The following CDH13 variants were observed in gnomAD, a reference collection of about 807,000 sequenced individuals.
CDH13 encodes the protein cadherin-13.
Under a neutral mutation model 63.8 loss-of-function variants are expected in CDH13, and 24 were observed. The ratio of observed to expected loss-of-function variants is 0.38; its 90% confidence interval spans 0.27 to 0.53. The LOEUF (loss-of-function observed/expected upper bound fraction) is 0.53. Among genes scored for constraint, CDH13 ranks in the 20% least tolerant of loss-of-function variants. The pLI is 0.85. For synonymous variants in CDH13, 503 were observed against 355.3 expected (o/e 1.42, Z -4.67); for missense variants, 1,049 against 903.1 (o/e 1.16, Z -2.07).
chr16:83,780,049 C>G lies in CDH13; in HGVS notation c.1763C>G (p.Thr588Arg), dbSNP rs530695746. The change falls in exon 12 of 14, where the codon ACA becomes AGA. Residue 588 changes from threonine to arginine, a missense_variant. By Grantham distance (71) the Thr-to-Arg change is moderately conservative. Coordinates refer to ENST00000567109, the MANE Select transcript of CDH13 (RefSeq NM_001257.5). The stretch of plus-strand genomic sequence containing the variant: ...GACAATGCCCCGTTCATTTACCCCA[C>G]AGTAGCTGAAGTCTGTGATGATGCC... The part of the protein sequence containing the change: ...VNDNAPFIYP[T>R]VAEVCDDAKN... 40 of 1,613,986 alleles carry G rather than the reference C, an allele frequency of 2.5e-5. 1 individual carries two copies. The African/African-American group carries it at 4.4e-4, about 18-fold the overall frequency.
At chr16:83,625,230 G>A (rs977719535) in intron 8 of CDH13, among the ~76,000 whole-genome samples, 3 of 149,736 alleles carry the variant, frequency 2.0e-5, no homozygotes, top group Non-Finnish European at 4.5e-5. Flanking sequence ...GTGTGTCTAT[G>A]TGTGTGTGTG....
At chr16:82,747,239 C>A (rs1203526268) in intron 1 of CDH13, among the ~76,000 whole-genome samples, 2 of 152,030 alleles carry the variant, frequency 1.3e-5, no homozygotes, top group Non-Finnish European at 1.5e-5. Context: ...ATACCTGGGA[C>A]CTGGTTAGAA....
intron 10 of CDH13, among the ~76,000 whole-genome samples, chr16:83,700,722 A>C (rs1906094205): frequency 6.6e-6 from 1 of 152,218 alleles, no homozygotes; most frequent in East Asian, 1.9e-4. Context: ...CAGCATAAAG[A>C]AGTAAATTAA....
intron 8 of CDH13, among the ~76,000 whole-genome samples, chr16:83,616,886 C>T (rs895511261): frequency 6.6e-5 from 10 of 152,204 alleles, no homozygotes; most frequent in African/African-American, 2.2e-4. Context: ...CTGTTTACCC[C>T]TACGTGCCAA....
At chr16:83,090,573 CA>C (rs372312398) in intron 3 of CDH13, among the ~76,000 whole-genome samples, 12,387 of 129,880 alleles carry the variant, frequency 0.095, 1,027 homozygotes, top group African/African-American at 0.23. Flanking sequence ...AACTGCATCT[CA>C]AAAAAAAAAA....
At chr16:83,783,233 G>C (rs1915652079) in intron 12 of CDH13, 21 bp from the exon 13 acceptor site, 1 of 1,575,404 alleles carries the variant, frequency 6.3e-7, no homozygotes. Flanking sequence ...ACTCTCACCA[G>C]AACCCTCCTT....
At chr16:82,849,074 C>A (rs1597793109) in intron 1 of CDH13, among the ~76,000 whole-genome samples, 1 of 152,156 alleles carries the variant, frequency 6.6e-6, no homozygotes, top group African/African-American at 2.4e-5. Context: ...AAACCAAAGC[C>A]TAATCCTGAG....
intron 2 of CDH13, among the ~76,000 whole-genome samples, chr16:82,904,353 C>G (rs1311878723): frequency 2.0e-5 from 3 of 152,160 alleles, no homozygotes; most frequent in Non-Finnish European, 4.4e-5. Flanking sequence ...TCTATTTAGT[C>G]TCTCATTTTC....
chr16:82,928,971 A>G (rs956797352), intron 2 of CDH13, among the ~76,000 whole-genome samples: 2 of 152,200 alleles, frequency 1.3e-5, no homozygotes, highest in African/African-American at 2.4e-5. Flanking sequence ...ACCAAAGTGC[A>G]TAACATTATA....
chr16:82,728,243 A>G (rs1027787648), intron 1 of CDH13, among the ~76,000 whole-genome samples: 1 of 152,144 alleles, frequency 6.6e-6, no homozygotes, highest in African/African-American at 2.4e-5. Context: ...CAATCCTTCA[A>G]TGGCACCCCA....
chr16:83,181,132 G>A (rs1597477098), intron 4 of CDH13: 1 of 924,526 alleles, frequency 1.1e-6, no homozygotes. Flanking sequence ...ATAGAAATGT[G>A]TAGACAGAGA....
At chr16:83,285,650 G>A (rs986934996) in intron 5 of CDH13, among the ~76,000 whole-genome samples, 1 of 152,162 alleles carries the variant, frequency 6.6e-6, no homozygotes, top group African/African-American at 2.4e-5. Context: ...TTGGAAGGGT[G>A]TTCATAGGTT....
chr16:82,698,576 G>C (rs2030614084), intron 1 of CDH13, among the ~76,000 whole-genome samples: 1 of 152,124 alleles, frequency 6.6e-6, no homozygotes, highest in Admixed American at 6.5e-5. Context: ...GTGTAGCTTG[G>C]GCATGTTTTT....
chr16:83,740,977 C>T (rs568058782), intron 10 of CDH13, among the ~76,000 whole-genome samples: 2 of 152,326 alleles, frequency 1.3e-5, no homozygotes, highest in African/African-American at 4.8e-5. Context: ...GAAAGTCAGG[C>T]AGGTCCAGAT....
intron 4 of CDH13, among the ~76,000 whole-genome samples, chr16:83,156,062 G>A (rs1306345395): frequency 6.6e-6 from 1 of 152,178 alleles, no homozygotes; most frequent in East Asian, 1.9e-4. Context: ...TCTGAAGGCT[G>A]GGCAGGAATT....
At chr16:83,034,631 C>G (rs1217620496) in intron 3 of CDH13, among the ~76,000 whole-genome samples, 1 of 152,276 alleles carries the variant, frequency 6.6e-6, no homozygotes, top group Admixed American at 6.5e-5. Flanking sequence ...TGCCCATGGG[C>G]TTGAATGCAT....
At chr16:83,655,632 G>A (rs1598422328) in intron 8 of CDH13, among the ~76,000 whole-genome samples, 1 of 152,316 alleles carries the variant, frequency 6.6e-6, no homozygotes, top group East Asian at 1.9e-4. Context: ...AAAGGCTCTG[G>A]ATTTTGTAAA....
chr16:82,999,985 A>T (rs1370527257), intron 2 of CDH13, among the ~76,000 whole-genome samples: 1 of 152,118 alleles, frequency 6.6e-6, no homozygotes, highest in East Asian at 1.9e-4. Context: ...GAATTCAGAG[A>T]TGCTGTTAAA....
chr16:83,421,143 A>G (rs1450057467), intron 6 of CDH13, among the ~76,000 whole-genome samples: 1 of 152,140 alleles, frequency 6.6e-6, no homozygotes, highest in African/African-American at 2.4e-5. Flanking sequence ...AGGAACACTC[A>G]TATTCCAGTA....
Sources: gnomAD v4.1 joint callset for allele counts (sites outside exome capture counted in the v4.1 genomes callset) on GRCh38, gnomAD v4.1.1 for gene constraint, MANE v1.5 for transcripts, NCBI Gene and HGNC (gene_info 2026-07-23, HGNC 2026-07-21) for gene names.